GRIN2A: variants seen among roughly 807,000 people sequenced by gnomAD.
The protein encoded by GRIN2A is glutamate ionotropic receptor NMDA type subunit 2A.
GRIN2A carries 22 observed loss-of-function variants against 113.4 expected under a neutral mutation model. The observed-to-expected ratio is 0.19, with a 90% CI of 0.14 to 0.28. The LOEUF is 0.28. Among genes scored for constraint, GRIN2A ranks in the 10% least tolerant of loss-of-function variants. GRIN2A has a pLI of 1.00. For missense variants in GRIN2A, 1,502 were observed against 1,887.0 expected, an observed-to-expected ratio of 0.80 and a Z score of 3.78; for synonymous variants, 827 against 738.4, an observed-to-expected ratio of 1.12 and a Z score of -1.94.
At chr16:10,173,543 A>G (rs1385918380) in intron 2 of GRIN2A, among the ~76,000 whole-genome samples, 1 of 152,232 alleles carries the variant, frequency 6.6e-6, no homozygotes, top group Non-Finnish European at 1.5e-5. Flanking sequence ...GCCCTGAACC[A>G]TATTGTGATA....
At chr16:9,945,593 C>T (rs1168473485) in intron 2 of GRIN2A, among the ~76,000 whole-genome samples, 1 of 152,092 alleles carries the variant, frequency 6.6e-6, no homozygotes, top group East Asian at 1.9e-4. Context: ...CAGTGTCTCC[C>T]AATAGGGAAC....
At chr16:10,018,967 C>T (rs977476530) in intron 2 of GRIN2A, among the ~76,000 whole-genome samples, 1 of 152,044 alleles carries the variant, frequency 6.6e-6, no homozygotes, top group African/African-American at 2.4e-5. Flanking sequence ...CTCCCAAGTT[C>T]CCCCAAACCT....
rs1401347543 is a variant in GRIN2A, at chr16:9,757,059, T to A, written c.*6090A>T. On this transcript the variant is annotated 3_prime_UTR_variant, in exon 13 of 13. Coordinates refer to ENST00000330684, the MANE Select transcript of GRIN2A (RefSeq NM_001134407.3). ...ACCAAACAAAAAAGCTTTAGGGAAA[T>A]GCTTCGTCTTTTTACATCATGGTCT... 1 of 205,814 alleles carries A rather than the reference T, an allele frequency of 4.9e-6. No homozygotes were observed. The allele number at this position is 205,814 out of a possible 1,614,324, so 12.7% of individuals were successfully genotyped here. A position where few individuals can be genotyped will look rare whatever the true frequency, so the allele number is the denominator to read the frequency against.
intron 9 of GRIN2A, among the ~76,000 whole-genome samples, chr16:9,824,061 C>G (rs1023831240): frequency 6.6e-6 from 1 of 152,190 alleles, no homozygotes. Context: ...TTTCCAGACT[C>G]ACACTTCACT....
chr16:9,984,678 G>C lies in GRIN2A; in HGVS notation c.415-46127C>G, dbSNP rs139556864. Among the ~76,000 whole-genome samples, 236 of 152,246 alleles carry C rather than the reference G, an allele frequency of 1.6e-3. 1 individual carries two copies. Among genetic ancestry groups the C allele is most frequent in the African/African-American group, 5.4e-3 (226 of 41,546 alleles). ...TGATCTTGAACTTCCCAAACTCTCA[G>C]AGGCATCACGAGTAACTTGGTCTTG... On this transcript the variant is annotated intron_variant, in intron 2 of 12. Transcript: ENST00000330684.
chr16:9,979,849 G>C lies in GRIN2A; in HGVS notation c.415-41298C>G, dbSNP rs1189424682. 2.8e-5 allele frequency among the ~76,000 whole-genome samples: 3 copies of C among 106,844 alleles called. No individual in the cohort carries two copies. The East Asian group carries it at 7.0e-4, about 25-fold the overall frequency. 70.1% of individuals were successfully genotyped at this position (106,844 alleles called of 152,430 possible). ...TATTTATCTAGGACTTATATTCTGT[G>C]TGTGTGTGTGTGTGTGTGTGTGTGT... On this transcript the variant is annotated intron_variant, in intron 2 of 12. Coordinates refer to ENST00000330684, the MANE Select transcript of GRIN2A (RefSeq NM_001134407.3).
At position 10,141,779 on chromosome 16, in the gene GRIN2A, C is replaced by A. The variant is rs568720385; in HGVS notation, c.414+38219G>T. Among the ~76,000 whole-genome samples, 113 of 152,298 alleles carry A rather than the reference C, an allele frequency of 7.4e-4. 1 individual carries two copies. The highest frequency in any genetic ancestry group is 2.5e-3 in the African/African-American group (102 of 41,574). On this transcript the variant is annotated intron_variant, in intron 2 of 12. Coordinates refer to ENST00000330684, the MANE Select transcript of GRIN2A (RefSeq NM_001134407.3). ...AGGGCACCTCTGTGAGGTAAATAGGCCAAGGGCTATTTTCCACATTTTACA... is the reference window on the plus strand; with the variant it reads ...AGGGCACCTCTGTGAGGTAAATAGGACAAGGGCTATTTTCCACATTTTACA...
At chr16:9,922,687 G>A (rs573333214) in intron 3 of GRIN2A, among the ~76,000 whole-genome samples, 1 of 152,270 alleles carries the variant, frequency 6.6e-6, no homozygotes, top group South Asian at 2.1e-4. Context: ...TTCCCAAAGA[G>A]GCTTGGATTT....
chr16:9,792,005 T>G (rs1404675610), intron 11 of GRIN2A, among the ~76,000 whole-genome samples: 1 of 152,090 alleles, frequency 6.6e-6, no homozygotes, highest in African/African-American at 2.4e-5. Context: ...GTTAACAATC[T>G]AGATGAGTCT....
At chr16:9,882,143 G>A (rs8043813) in intron 4 of GRIN2A, among the ~76,000 whole-genome samples, 34,243 of 152,002 alleles carry the variant, frequency 0.23, 4,025 homozygotes, top group African/African-American at 0.25. Context: ...ACTGGGCCCT[G>A]CTAGGCTAAA....
At chr16:9,776,802 G>A (rs930711114) in intron 11 of GRIN2A, among the ~76,000 whole-genome samples, 5 of 151,908 alleles carry the variant, frequency 3.3e-5, no homozygotes, top group Admixed American at 6.6e-5. Flanking sequence ...AAGCCCGATT[G>A]GAATTGGAAA....
chr16:9,755,798 C>T lies in GRIN2A; in HGVS notation c.*7351G>A. 1 of 204,374 alleles carries T rather than the reference C, an allele frequency of 4.9e-6. No homozygotes were observed. The highest frequency in any genetic ancestry group is 1.0e-5 in the Non-Finnish European group (1 of 99,542). 12.7% of individuals were successfully genotyped at this position (204,374 alleles called of 1,614,324 possible). A position where few individuals can be genotyped will look rare whatever the true frequency, so the allele number is the denominator to read the frequency against. On this transcript the variant is annotated 3_prime_UTR_variant, in exon 13 of 13. Coordinates refer to ENST00000330684, the MANE Select transcript of GRIN2A (RefSeq NM_001134407.3). Reference sequence around the variant, plus strand: ...AACACTCTTCAGTGGGACAGAATAACCGTCATTATCCTAATGCTAAGTGAG... The same window carrying T: ...AACACTCTTCAGTGGGACAGAATAATCGTCATTATCCTAATGCTAAGTGAG...
intron 2 of GRIN2A, among the ~76,000 whole-genome samples, chr16:10,094,128 C>G (rs1349574219): frequency 6.6e-6 from 1 of 152,172 alleles, no homozygotes; most frequent in Non-Finnish European, 1.5e-5. Context: ...AGCACTAAGC[C>G]ACGTGTACAG....
At chr16:9,941,459 C>T (rs887143109) in intron 2 of GRIN2A, among the ~76,000 whole-genome samples, 6 of 152,210 alleles carry the variant, frequency 3.9e-5, no homozygotes, top group South Asian at 2.1e-4. Context: ...AGAGCCAGCT[C>T]GGCACAGGCC....
At chr16:9,915,682 A>C (rs982073323) in intron 3 of GRIN2A, among the ~76,000 whole-genome samples, 3 of 152,200 alleles carry the variant, frequency 2.0e-5, no homozygotes, top group African/African-American at 7.2e-5. Context: ...CAATGGAGGT[A>C]GTTTAGGTGG....
intron 2 of GRIN2A, among the ~76,000 whole-genome samples, chr16:9,947,317 C>T (rs2045042481): frequency 6.6e-6 from 1 of 152,208 alleles, no homozygotes; most frequent in African/African-American, 2.4e-5. Context: ...ACAGCCAAGA[C>T]CAAGACTTAA....
rs2048615766 is a variant in GRIN2A at position 10,111,602 on chromosome 16, C to T, written c.414+68396G>A. On this transcript the variant is annotated intron_variant, in intron 2 of 12. Transcript: ENST00000330684. ...ATCTCTTCCCCTATGGACACTGAGACAGAGGCCGACATGGCCATCGCGATG... is the reference window on the plus strand; with the variant it reads ...ATCTCTTCCCCTATGGACACTGAGATAGAGGCCGACATGGCCATCGCGATG... 4.4e-6 allele frequency: 5 copies of T among 1,131,074 alleles called. No homozygotes were observed. In the East Asian group the frequency reaches 1.2e-4, roughly 27 times the overall value. The allele number at this position is 1,131,074 out of a possible 1,614,324, so 70.1% of individuals were successfully genotyped here. A position where few individuals can be genotyped will look rare whatever the true frequency, so the allele number is the denominator to read the frequency against.
intron 4 of GRIN2A, among the ~76,000 whole-genome samples, chr16:9,871,431 GAA>G (rs759065813): frequency 1.2e-4 from 12 of 98,540 alleles, no homozygotes; most frequent in Admixed American, 1.0e-4. Flanking sequence ...CACTGAAAAT[GAA>G]AAAAAAAAAA....
At chr16:10,160,990 CA>C (rs2049798755) in intron 2 of GRIN2A, among the ~76,000 whole-genome samples, 1 of 152,228 alleles carries the variant, frequency 6.6e-6, no homozygotes, top group Non-Finnish European at 1.5e-5. Context: ...AACACACGTG[CA>C]GAGCACAAAT....
Sources: gnomAD v4.1 joint callset for allele counts (sites outside exome capture counted in the v4.1 genomes callset) on GRCh38, gnomAD v4.1.1 for gene constraint, MANE v1.5 for transcripts, NCBI Gene and HGNC (gene_info 2026-07-23, HGNC 2026-07-21) for gene names.